The following ABCC3 variants were observed in gnomAD, a reference collection of about 807,000 sequenced individuals.
The protein encoded by ABCC3 is ATP binding cassette subfamily C member 3, also known as ATP-binding cassette sub-family C member 3.
Under a neutral mutation model 165.3 loss-of-function variants are expected in ABCC3, and 121 were observed. The ratio of observed to expected loss-of-function variants is 0.73; its 90% CI spans 0.63 to 0.85. The LOEUF (loss-of-function observed/expected upper bound fraction) is 0.85. ABCC3 is among the 40% of genes least tolerant of loss of function. ABCC3 has a pLI of 0.00. For synonymous variants in ABCC3, 733 were observed against 810.1 expected, an observed-to-expected ratio of 0.90 and a Z score of 1.62; for missense variants, 1,869 against 1,964.1, an observed-to-expected ratio of 0.95 and a Z score of 0.92.
At chr17:50,685,768 C>T (rs1345226198) in intron 29 of ABCC3, among the ~76,000 whole-genome samples, 1 of 151,964 alleles carries the variant, frequency 6.6e-6, no homozygotes, top group African/African-American at 2.4e-5. Flanking sequence ...AGGAAAAGCG[C>T]TTCGCTTGGA....
intron 30 of ABCC3, among the ~76,000 whole-genome samples, chr17:50,689,543 C>T (rs1361622904): frequency 6.6e-6 from 1 of 152,226 alleles, no homozygotes; most frequent in Non-Finnish European, 1.5e-5. Context: ...CCCCAACAGG[C>T]CTTCACTCAC....
At chr17:50,675,530 G>A in intron 20 of ABCC3, 54 bp downstream of exon 20, 1 of 1,587,038 alleles carries the variant, frequency 6.3e-7, no homozygotes. Flanking sequence ...GCCTCCCCAG[G>A]CCCTGCCAGA....
chr17:50,643,935 G>C (rs1966939937), intron 1 of ABCC3, among the ~76,000 whole-genome samples: 1 of 152,138 alleles, frequency 6.6e-6, no homozygotes, highest in African/African-American at 2.4e-5. Context: ...TGAGGCAAGA[G>C]GCACAAAGCT....
At chr17:50,658,571 G>A (rs1967309809) in intron 6 of ABCC3, 75 bp downstream of exon 6, 5 of 1,524,008 alleles carry the variant, frequency 3.3e-6, no homozygotes, top group Non-Finnish European at 3.6e-6. Context: ...GGGGAGCAGG[G>A]CAGCAGTTTA....
intron 1 of ABCC3, chr17:50,635,214 G>A (rs375821217): frequency 1.6e-5 from 10 of 627,174 alleles, no homozygotes; most frequent in Middle Eastern, 3.1e-4. Context: ...CCCGGCTGCA[G>A]CACTGGGGAG....
At position 50,684,846 on chromosome 17, in the gene ABCC3, C is replaced by G; in HGVS notation, c.4251C>G (p.Phe1417Leu). ...FVSSQPAGLDFQCSEGGENLS... is the reference protein window; with the variant it reads ...FVSSQPAGLDLQCSEGGENLS... ...GCTCCCAGCCGGCAGGCCTGGACTT[C>G]CAGTGCTCAGAGGGCGGGGAGAATC... The change falls in exon 29 of 31, where the codon TTC becomes TTG. Residue 1417 changes from phenylalanine to leucine, a missense_variant. Transcript: ENST00000285238. 1.2e-6 allele frequency: 2 copies of G among 1,614,138 alleles called. No homozygotes were observed. The highest frequency in any genetic ancestry group is 2.2e-5 in the South Asian group (2 of 91,066).
At chr17:50,660,889 T>G in intron 7 of ABCC3, 34 bp from the exon 8 acceptor site, 1 of 1,553,150 alleles carries the variant, frequency 6.4e-7, no homozygotes, top group Non-Finnish European at 8.7e-7. Flanking sequence ...CCTGTCCCCA[T>G]TCCTAACCCA....
intron 1 of ABCC3, among the ~76,000 whole-genome samples, chr17:50,647,748 C>T (rs1967030268): frequency 6.6e-6 from 1 of 152,160 alleles, no homozygotes; most frequent in Non-Finnish European, 1.5e-5. Context: ...ATTTAATTCG[C>T]CCTTGGAGGC....
rs561199589 is a variant in ABCC3 at position 50,657,942 on chromosome 17, C to T, written c.487-140C>T. 10 of 1,141,038 alleles carry T rather than the reference C, an allele frequency of 8.8e-6. No homozygotes were observed. In the South Asian group the frequency reaches 1.3e-4, roughly 15 times the overall value. 70.7% of individuals were successfully genotyped at this position (1,141,038 alleles called of 1,614,324 possible). A position where few individuals can be genotyped will look rare whatever the true frequency, so the allele number is the denominator to read the frequency against. ...GTGATCCTTCCTCATCTCTCAGAGTCCTCTGAGTGGGGACCTGGAGGCCCC... is the reference window on the plus strand; with the variant it reads ...GTGATCCTTCCTCATCTCTCAGAGTTCTCTGAGTGGGGACCTGGAGGCCCC... On this transcript the variant is annotated intron_variant, in intron 4 of 30. Coordinates refer to ENST00000285238, the MANE Select transcript of ABCC3 (RefSeq NM_003786.4).
intron 30 of ABCC3, among the ~76,000 whole-genome samples, chr17:50,690,131 G>A (rs1968093432): frequency 6.6e-6 from 1 of 152,182 alleles, no homozygotes. Context: ...GCTGAAAATT[G>A]CAGGCAAAGG....
At chr17:50,673,164 G>A in intron 18 of ABCC3, 26 bp downstream of exon 18, 1 of 1,611,924 alleles carries the variant, frequency 6.2e-7, no homozygotes, top group Non-Finnish European at 8.5e-7. Flanking sequence ...GGCTAAGGGG[G>A]CTAAGGTGAG....
chr17:50,635,271 TG>T, intron 1 of ABCC3: 2 of 628,542 alleles, frequency 3.2e-6, no homozygotes, highest in Non-Finnish European at 5.7e-6. Context: ...AAAGGCACAG[TG>T]CGTGGCTGGG....
chr17:50,690,262 A>G (rs1038171203), intron 30 of ABCC3, among the ~76,000 whole-genome samples: 2 of 150,926 alleles, frequency 1.3e-5, no homozygotes, highest in Non-Finnish European at 3.0e-5. Context: ...GGACCATGGG[A>G]GAGCATTCAG....
chr17:50,679,075 A>G (rs1967883366), intron 25 of ABCC3: 1 of 152,162 alleles, frequency 6.6e-6, no homozygotes, highest in African/African-American at 2.4e-5. Context: ...GGGCTGGCAT[A>G]CCGCTCGCTC....
chr17:50,677,125 G>A (rs138963840), intron 23 of ABCC3, among the ~76,000 whole-genome samples: 89 of 152,276 alleles, frequency 5.8e-4, no homozygotes, highest in African/African-American at 2.0e-3. Flanking sequence ...CAAGTGATCC[G>A]CCCACCTCGG....
At chr17:50,659,459 G>A in intron 7 of ABCC3, 91 bp downstream of exon 7, 1 of 1,455,986 alleles carries the variant, frequency 6.9e-7, no homozygotes, top group Middle Eastern at 2.6e-4. Flanking sequence ...GGGCGGCATT[G>A]CTGGGGTGGC....
rs756650872 is a variant in ABCC3, at chr17:50,675,416, A to G, written c.2654A>G (p.Asn885Ser). ...CTGCTGATTGAAGACACACTCAGCA[A>G]CCACACGGATCTGACAGACAATGAT... is the stretch of plus-strand genomic sequence containing the variant. ...EALLIEDTLS[N>S]HTDLTDNDPV... Residue 885 changes from asparagine to serine, a missense_variant, in exon 20 of 31, where the codon AAC becomes AGC. Asn to Ser is a conservative substitution (Grantham distance 46). Coordinates refer to ENST00000285238, the MANE Select transcript of ABCC3 (RefSeq NM_003786.4). The G allele has an allele frequency of 1.9e-6, 3 of 1,613,986 alleles. No homozygotes were observed. The African/African-American group carries it at 4.0e-5, about 22-fold the overall frequency.
intron 1 of ABCC3, chr17:50,643,651 A>C (rs143017929): frequency 9.0e-4 from 409 of 456,264 alleles, no homozygotes; most frequent in African/African-American, 7.2e-3. Context: ...AGGGTGCTCA[A>C]GATGAAGAAG....
At chr17:50,642,118 A>C (rs1020675930) in intron 1 of ABCC3, among the ~76,000 whole-genome samples, 1 of 152,224 alleles carries the variant, frequency 6.6e-6, no homozygotes, top group Non-Finnish European at 1.5e-5. Context: ...GAGAAGAATC[A>C]GGGGCAACTC....
Sources: gnomAD v4.1 joint callset for allele counts (sites outside exome capture counted in the v4.1 genomes callset) on GRCh38, gnomAD v4.1.1 for gene constraint, MANE v1.5 for transcripts, NCBI Gene and HGNC (gene_info 2026-07-23, HGNC 2026-07-21) for gene names.